Variants in DNAH14 observed in about 807,000 individuals in gnomAD.
The protein encoded by DNAH14 is dynein axonemal heavy chain 14.
A neutral mutation model predicts 520.9 loss-of-function variants in DNAH14; 478 were observed. The observed-to-expected ratio is 0.92, with a 90% CI of 0.85 to 0.99. The LOEUF is 0.99. DNAH14 is among the 50% of genes least tolerant of loss of function. The pLI is 0.00. For synonymous variants in DNAH14, 1,581 were observed against 1,757.2 expected, an observed-to-expected ratio of 0.90 and a Z score of 2.51; for missense variants, 4,831 against 5,234.5, an observed-to-expected ratio of 0.92 and a Z score of 2.38.
chr1:225,326,161 A>G (rs1380248403), intron 64 of DNAH14, among the ~76,000 whole-genome samples: 1 of 152,222 alleles, frequency 6.6e-6, no homozygotes, highest in East Asian at 1.9e-4. Flanking sequence ...CCTCACAACA[A>G]CATTTCAAAG....
chr1:225,392,192 A>G, intron 83 of DNAH14, 99 bp from the exon 84 acceptor site: 2 of 1,380,372 alleles, frequency 1.4e-6, no homozygotes, highest in Non-Finnish European at 2.0e-6. Context: ...TTTTTCCTCC[A>G]CTCTTCCCTT....
At chr1:225,207,742 A>G (rs911782333) in intron 41 of DNAH14, among the ~76,000 whole-genome samples, 6 of 152,200 alleles carry the variant, frequency 3.9e-5, no homozygotes, top group South Asian at 4.1e-4. Flanking sequence ...CAGGCTCCCA[A>G]TTCTCTCTCT....
chr1:225,137,753 C>T (rs1279040645), intron 27 of DNAH14, among the ~76,000 whole-genome samples: 1 of 152,194 alleles, frequency 6.6e-6, no homozygotes, highest in Non-Finnish European at 1.5e-5. Flanking sequence ...GAAAGAGGAT[C>T]AGGAACCCAC....
intron 84 of DNAH14, among the ~76,000 whole-genome samples, chr1:225,393,359 T>C (rs1383258339): frequency 6.6e-6 from 1 of 152,226 alleles, no homozygotes; most frequent in Non-Finnish European, 1.5e-5. Flanking sequence ...AGCCTACTGC[T>C]TACCTAGGCT....
At chr1:225,230,073 T>C (rs1003260071) in intron 41 of DNAH14, among the ~76,000 whole-genome samples, 6 of 152,132 alleles carry the variant, frequency 3.9e-5, no homozygotes, top group Non-Finnish European at 8.8e-5. Flanking sequence ...AAAATATCCA[T>C]ATACTCTGGT....
intron 17 of DNAH14, among the ~76,000 whole-genome samples, chr1:225,054,810 A>G (rs2068870564): frequency 6.6e-6 from 1 of 152,046 alleles, no homozygotes; most frequent in Non-Finnish European, 1.5e-5. Flanking sequence ...TGCCAAGTTA[A>G]TTTTTGCCCG....
rs1404815928 is a variant in DNAH14, at chr1:225,272,020, T to C, written c.7786T>C (p.Leu2596=). 6 of 1,550,876 alleles carry C rather than the reference T, an allele frequency of 3.9e-6. No homozygotes were observed. Among genetic ancestry groups the C allele is most frequent in the Non-Finnish European group, 5.2e-6 (6 of 1,146,620 alleles). ...ATACCATCAAGTACGTCAGAATATGTTACCAACTCCAACAAAATGTCACTA... is the reference window on the plus strand; with the variant it reads ...ATACCATCAAGTACGTCAGAATATGCTACCAACTCCAACAAAATGTCACTA... The part of the protein sequence containing the change: ...AIYHQVRQNM[L]PTPTKCHYMF... The change falls in exon 51 of 86, where the codon TTA becomes CTA. Residue 2596 remains leucine, a synonymous_variant. Transcript: ENST00000682510.
At position 225,389,819 on chromosome 1, in the gene DNAH14, T is replaced by A; in HGVS notation, c.13276T>A (p.Phe4426Ile). Residue 4426 changes from phenylalanine to isoleucine, a missense_variant, in exon 83 of 86, where the codon TTC (phenylalanine) becomes ATC (isoleucine). Phe to Ile is a conservative substitution (Grantham distance 21). Transcript: ENST00000682510. The stretch of plus-strand genomic sequence containing the variant: ...ACACCCTGAGGATTCAGAGAACAAT[T>A]TCTTTGAAGGGTTTCCTTCAAGATA... The part of the protein sequence containing the change: ...CKHPEDSENN[F>I]FEGFPSRYWL... The A allele has an allele frequency of 6.4e-7, 1 of 1,551,924 alleles. No individual in the cohort carries two copies. Among genetic ancestry groups the A allele is most frequent in the Non-Finnish European group, 8.7e-7 (1 of 1,147,024 alleles).
chr1:225,226,625 A>C (rs2149538205), intron 41 of DNAH14, among the ~76,000 whole-genome samples: 1 of 152,292 alleles, frequency 6.6e-6, no homozygotes, highest in East Asian at 1.9e-4. Context: ...GCCCCTCCAC[A>C]CCTGTGGGTA....
At position 225,050,356 on chromosome 1, in the gene DNAH14, G is replaced by T; in HGVS notation, c.2059G>T (p.Asp687Tyr). The change falls in exon 16 of 86, where the codon GAT becomes TAT. Residue 687 changes from aspartate to tyrosine, a missense_variant. By Grantham distance (160) the Asp-to-Tyr change is radical (BLOSUM62 -3). Transcript: ENST00000682510. Reference protein sequence around the residue: ...WPDCHILFETDPAYQNIIVNL... With the variant: ...WPDCHILFETYPAYQNIIVNL... Reference sequence around the variant, plus strand: ...AGATTGTCACATCCTTTTTGAAACAGATCCTGCCTACCAAAATATAGTAAG... The same window carrying T: ...AGATTGTCACATCCTTTTTGAAACATATCCTGCCTACCAAAATATAGTAAG... 1 of 1,544,196 alleles carries T rather than the reference G, an allele frequency of 6.5e-7. No individual in the cohort carries two copies. The highest frequency in any genetic ancestry group is 8.7e-7 in the Non-Finnish European group (1 of 1,144,726).
intron 16 of DNAH14, 28 bp from the exon 17 acceptor site, chr1:225,051,419 TCTGA>T: frequency 7.2e-7 from 1 of 1,391,330 alleles, no homozygotes; most frequent in Non-Finnish European, 9.4e-7. Flanking sequence ...AAATAAAAAT[TCTGA>T]CTAACATCTC....
At chr1:225,248,760 C>T (rs1458243793) in intron 43 of DNAH14, among the ~76,000 whole-genome samples, 1 of 151,894 alleles carries the variant, frequency 6.6e-6, no homozygotes, top group Non-Finnish European at 1.5e-5. Context: ...CAAATAGGAA[C>T]CTAAAGTCAT....
chr1:225,070,590 G>C (rs2071439168), intron 17 of DNAH14, among the ~76,000 whole-genome samples: 1 of 152,044 alleles, frequency 6.6e-6, no homozygotes, highest in South Asian at 2.1e-4. Context: ...ATGATTTCAG[G>C]TCTTTTGCAT....
chr1:225,399,009 C>A, intron 85 of DNAH14, 45 bp from the exon 86 acceptor site: 2 of 1,379,712 alleles, frequency 1.4e-6, no homozygotes, highest in Non-Finnish European at 2.0e-6. Context: ...TACTGATTCA[C>A]TTGAACTATG....
intron 8 of DNAH14, among the ~76,000 whole-genome samples, chr1:224,980,867 C>T (rs1016963765): frequency 2.6e-5 from 4 of 152,180 alleles, no homozygotes; most frequent in African/African-American, 9.7e-5. Flanking sequence ...GGAGGGATAG[C>T]ATTAGGAGAA....
intron 17 of DNAH14, among the ~76,000 whole-genome samples, 151 bp downstream of exon 17, chr1:225,051,946 A>G (rs1346597662): frequency 6.6e-6 from 1 of 152,214 alleles, no homozygotes; most frequent in African/African-American, 2.4e-5. Flanking sequence ...TATTATACTC[A>G]GAAAATTTTA....
At chr1:225,368,319 C>T (rs567912739) in intron 77 of DNAH14, among the ~76,000 whole-genome samples, 5 of 152,246 alleles carry the variant, frequency 3.3e-5, no homozygotes, top group African/African-American at 1.2e-4. Flanking sequence ...CTGAGGGAGA[C>T]CAAATGTCAG....
At chr1:225,260,993 A>G (rs180846823) in intron 46 of DNAH14, among the ~76,000 whole-genome samples, 27 of 152,206 alleles carry the variant, frequency 1.8e-4, no homozygotes, top group Admixed American at 1.4e-3. Context: ...TTGAGTTTGT[A>G]TATCTTGCAA....
chr1:225,221,880 G>A (rs1220701874), intron 41 of DNAH14, among the ~76,000 whole-genome samples: 2 of 152,172 alleles, frequency 1.3e-5, no homozygotes, highest in Non-Finnish European at 2.9e-5. Context: ...TTTGCACACA[G>A]GACTGCTCTC....
Sources: gnomAD v4.1 joint callset for allele counts (sites outside exome capture counted in the v4.1 genomes callset) on GRCh38, gnomAD v4.1.1 for gene constraint, MANE v1.5 for transcripts, NCBI Gene and HGNC (gene_info 2026-07-23, HGNC 2026-07-21) for gene names.